DTNA: variants seen among roughly 807,000 people sequenced by gnomAD.
DTNA encodes dystrophin-related protein 3.
In DTNA, 43 loss-of-function variants were observed where a neutral mutation model predicts 100.7. The ratio of observed to expected loss-of-function variants is 0.43; its 90% CI spans 0.33 to 0.55. The LOEUF (loss-of-function observed/expected upper bound fraction) is 0.55, where lower values mean the gene tolerates loss of function less well. Among genes scored for constraint, DTNA ranks in the 20% least tolerant of loss-of-function variants. The probability of loss-of-function intolerance (pLI) is 0.04; values close to 1 mark genes in which losing one functional copy is unlikely to be tolerated. For missense variants in DTNA, 798 were observed against 953.9 expected, an observed-to-expected ratio of 0.84 and a Z score of 2.15; for synonymous variants, 349 against 347.9, an observed-to-expected ratio of 1.00 and a Z score of -0.04.
At chr18:34,520,404 C>T (rs1455639366) in intron 1 of DTNA, among the ~76,000 whole-genome samples, 2 of 152,140 alleles carry the variant, frequency 1.3e-5, no homozygotes, top group Admixed American at 6.5e-5. Flanking sequence ...ATAATCCCAG[C>T]GCTTTGAGAG....
chr18:34,868,871 A>G (rs1392913452), intron 17 of DTNA: 2 of 761,638 alleles, frequency 2.6e-6, no homozygotes, highest in Non-Finnish European at 3.2e-6. Flanking sequence ...TGAAGGAACC[A>G]TAAAAAGAAC....
chr18:34,715,907 C>A (rs10502633), intron 1 of DTNA, among the ~76,000 whole-genome samples: 23,401 of 152,010 alleles, frequency 0.15, 3,134 homozygotes, highest in African/African-American at 0.37. Context: ...AAATTAAACA[C>A]ATGTCATTTT....
In DTNA at chr18:34,642,353, G is replaced by A. The variant is rs80087063; in HGVS notation, c.-1-113623G>A. 7.4e-3 allele frequency among the ~76,000 whole-genome samples: 1,120 copies of A among 152,256 alleles called. 17 individuals carry two copies. The highest frequency in any genetic ancestry group is 0.026 in the African/African-American group (1,081 of 41,554). On this transcript the variant is annotated intron_variant, in intron 1 of 19. Transcript: ENST00000283365. ...GTTGGGATTATCTGGGCTTTAGAAG[G>A]AGCCCACTGATTTGAGGAAGAGTAC... is the stretch of plus-strand genomic sequence containing the variant.
chr18:34,883,177 C>T (rs549502539), intron 21 of DTNA, among the ~76,000 whole-genome samples: 49 of 152,212 alleles, frequency 3.2e-4, no homozygotes, highest in Non-Finnish European at 5.9e-4. Context: ...AATTCACAGG[C>T]GTTTACTTGG....
intron 9 of DTNA, among the ~76,000 whole-genome samples, chr18:34,821,744 G>T (rs897037628): frequency 8.5e-5 from 13 of 152,214 alleles, no homozygotes; most frequent in African/African-American, 2.9e-4. Context: ...CCACACTTCA[G>T]TGGGACCTAT....
At chr18:34,606,414 A>G (rs2053120142) in intron 1 of DTNA, among the ~76,000 whole-genome samples, 1 of 152,186 alleles carries the variant, frequency 6.6e-6, no homozygotes, top group South Asian at 2.1e-4. Context: ...GAAACTAGCA[A>G]TGTGTCTATT....
intron 16 of DTNA, among the ~76,000 whole-genome samples, chr18:34,860,789 A>G (rs2096614430): frequency 6.6e-6 from 1 of 152,224 alleles, no homozygotes; most frequent in African/African-American, 2.4e-5. Context: ...TATGAATGAT[A>G]GGCATTTCTA....
chr18:34,546,978 A>G (rs951384494), intron 1 of DTNA, among the ~76,000 whole-genome samples: 6 of 152,058 alleles, frequency 3.9e-5, no homozygotes, highest in Non-Finnish European at 7.4e-5. Context: ...AAATGCTGGC[A>G]TTACAGATGT....
rs539061545 is a variant in DTNA at position 34,765,597 on chromosome 18, C to T, written c.68-364C>T. ...CATTCTAATGACCAATAGCAATGCA[C>T]TTTAAATGCTTATTTGATGATAGTA... On this transcript the variant is annotated intron_variant, in intron 2 of 22. Transcript: ENST00000444659. 2.4e-4 allele frequency among the ~76,000 whole-genome samples: 36 copies of T among 152,306 alleles called. 1 individual carries two copies. In the South Asian group the frequency reaches 6.0e-3, roughly 25 times the overall value.
intron 20 of DTNA, among the ~76,000 whole-genome samples, chr18:34,881,199 C>A (rs1464411794): frequency 1.3e-5 from 2 of 152,142 alleles, no homozygotes; most frequent in Admixed American, 1.3e-4. Context: ...AACCTAGAAA[C>A]TTCTTCTTGA....
intron 9 of DTNA, chr18:34,821,592 C>T (rs1410543863): frequency 2.3e-6 from 1 of 443,096 alleles, no homozygotes; most frequent in Non-Finnish European, 4.5e-6. Context: ...GCCAAGATAA[C>T]AAGGGGGCTT....
chr18:34,558,269 G>T (rs1429168664), intron 1 of DTNA: 1 of 154,022 alleles, frequency 6.5e-6, no homozygotes, highest in East Asian at 1.9e-4. Flanking sequence ...CCCACTGTCT[G>T]GCACTCCCTA....
chr18:34,821,743 A>G (rs2095725382), intron 9 of DTNA, among the ~76,000 whole-genome samples: 1 of 152,206 alleles, frequency 6.6e-6, no homozygotes, highest in South Asian at 2.1e-4. Flanking sequence ...TCCACACTTC[A>G]GTGGGACCTA....
At chr18:34,499,542 T>G (rs2039664362) in intron 1 of DTNA, among the ~76,000 whole-genome samples, 1 of 152,216 alleles carries the variant, frequency 6.6e-6, no homozygotes, top group Admixed American at 6.5e-5. Flanking sequence ...TATAAGAAAT[T>G]ACCAAACTTT....
chr18:34,742,629 TTCTATTATCTATCTAGATAGATAGATAA>T (rs6146258), intron 1 of DTNA, among the ~76,000 whole-genome samples: 7 of 137,812 alleles, frequency 5.1e-5, no homozygotes, highest in South Asian at 2.5e-4. Context: ...TCTGATTATC[TTCTATTATCTATCTAGATAGATAGATAA>T]TCTATTATCT....
chr18:34,626,307 T>C (rs1229547636), intron 1 of DTNA, among the ~76,000 whole-genome samples: 1 of 152,082 alleles, frequency 6.6e-6, no homozygotes, highest in African/African-American at 2.4e-5. Flanking sequence ...AAGGAGTAGA[T>C]GAAAAACAGA....
At position 34,598,217 on chromosome 18, in the gene DTNA, C is replaced by CTTT. The variant is rs71159880; in HGVS notation, c.-2+104715_-2+104717dup. 7.2e-5 allele frequency among the ~76,000 whole-genome samples: 10 copies of CTTT among 138,030 alleles called. 1 individual carries two copies. The highest frequency in any genetic ancestry group is 2.6e-4 in the African/African-American group (10 of 37,980). 90.6% of individuals were successfully genotyped at this position (138,030 alleles called of 152,430 possible). A position where few individuals can be genotyped will look rare whatever the true frequency, so the allele number is the denominator to read the frequency against. On this transcript the variant is annotated intron_variant, in intron 1 of 19. Transcript: ENST00000283365. ...AGGGAATTCTCTATTTTCTTTCTTTCTTTTTTTTTTTTTTACCAAATGTGA... is the reference window on the plus strand; with the variant it reads ...AGGGAATTCTCTATTTTCTTTCTTTCTTTTTTTTTTTTTTTTTACCAAATGTGA...
chr18:34,690,768 G>T (rs1170036952), intron 1 of DTNA, among the ~76,000 whole-genome samples: 2 of 152,142 alleles, frequency 1.3e-5, no homozygotes, highest in Non-Finnish European at 2.9e-5. Flanking sequence ...ACAGTGCTTG[G>T]CACACTATTA....
chr18:34,816,601 G>A (rs971876399), intron 7 of DTNA, among the ~76,000 whole-genome samples: 2 of 152,064 alleles, frequency 1.3e-5, no homozygotes, highest in African/African-American at 4.8e-5. Context: ...TACCATTTGG[G>A]GCAAAATTTA....
Sources: allele counts gnomAD v4.1 joint callset (sites outside exome capture counted in the v4.1 genomes callset), GRCh38; gene constraint gnomAD v4.1.1; transcripts MANE v1.5; gene names NCBI Gene and HGNC (gene_info 2026-07-23, HGNC 2026-07-21).